Variants in PCDHGA3 observed in about 807,000 individuals in gnomAD.
PCDHGA3 encodes the protein protocadherin gamma-A3.
A neutral mutation model predicts 58.5 loss-of-function variants in PCDHGA3; 40 were observed. The observed-to-expected ratio is 0.68, with a 90% confidence interval of 0.53 to 0.89. The LOEUF (loss-of-function observed/expected upper bound fraction) is 0.89, where lower values mean the gene tolerates loss of function less well. PCDHGA3 is among the 40% of genes least tolerant of loss of function. The probability of loss-of-function intolerance (pLI) is 0.00; values close to 1 mark genes in which losing one functional copy is unlikely to be tolerated. For synonymous variants in PCDHGA3, 530 were observed against 525.7 expected (o/e 1.01, Z -0.11); for missense variants, 1,223 against 1,195.9 (o/e 1.02, Z -0.33).
chr5:141,382,871 G>T (rs764156663), intron 1 of PCDHGA3: 3 of 1,520,506 alleles, frequency 2.0e-6, no homozygotes, highest in East Asian at 2.3e-5. Flanking sequence ...TCCCGAGATC[G>T]GCGCCTAAGC....
chr5:141,387,669 TCTC>T lies in PCDHGA3; in HGVS notation c.2424+41216_2424+41218del, dbSNP rs61279892. 2,271 of 693,780 alleles carry T rather than the reference TCTC, an allele frequency of 3.3e-3. 45 individuals are homozygous for T. In the African/African-American group the frequency reaches 0.034, roughly 10 times the overall value. 43.0% of individuals were successfully genotyped at this position (693,780 alleles called of 1,614,324 possible). A position where few individuals can be genotyped will look rare whatever the true frequency, so the allele number is the denominator to read the frequency against. ...AAAGTGGAGAGCTTGGCGCTCCAGA[TCTC>T]CTCGCGCAGCCGCAGCGCGCTTTCC... On this transcript the variant is annotated intron_variant, in intron 1 of 3. Coordinates refer to ENST00000253812, the MANE Select transcript of PCDHGA3 (RefSeq NM_018916.4).
At chr5:141,361,658 G>T in intron 1 of PCDHGA3, 1 of 1,613,762 alleles carries the variant, frequency 6.2e-7, no homozygotes, top group African/African-American at 1.3e-5. Context: ...GTGTCCGTGA[G>T]CGCGCAGAGC....
At chr5:141,384,889 G>GTGGC in intron 1 of PCDHGA3, 1 of 1,613,882 alleles carries the variant, frequency 6.2e-7, no homozygotes, top group Non-Finnish European at 8.5e-7. Context: ...CACCGTGGCT[G>GTGGC]TGGCTGACAG....
rs1236074950 is a variant in PCDHGA3 at position 141,489,119 on chromosome 5, C to G, written c.2425-5688C>G. On this transcript the variant is annotated intron_variant, in intron 1 of 3. Transcript: ENST00000253812. This position sits in a 1 kb window ranked among gnomAD's most constrained non-coding sequence, Gnocchi z 4.5. ...GAACTGCTGCAAGCAGGCAAACCTC[C>G]GAGCAGTTTTTAAGAGGCTGGAAGG... The G allele has an allele frequency of 1.5e-6, 1 of 650,358 alleles. No individual in the cohort carries two copies. Among genetic ancestry groups the G allele is most frequent in the Non-Finnish European group, 2.5e-6 (1 of 400,690 alleles). The allele number at this position is 650,358 out of a possible 1,614,324, so 40.3% of individuals were successfully genotyped here. A position where few individuals can be genotyped will look rare whatever the true frequency, so the allele number is the denominator to read the frequency against.
intron 1 of PCDHGA3, among the ~76,000 whole-genome samples, chr5:141,469,088 G>A (rs1388316490): frequency 6.6e-6 from 1 of 151,604 alleles, no homozygotes; most frequent in Non-Finnish European, 1.5e-5. Context: ...ACCATTCTAG[G>A]CAACAAAGCA....
chr5:141,409,149 C>T (rs1248646625), intron 1 of PCDHGA3: 1 of 1,613,948 alleles, frequency 6.2e-7, no homozygotes, highest in Non-Finnish European at 8.5e-7. Context: ...GAAAGGTACA[C>T]CATGGAAGTG....
intron 1 of PCDHGA3, chr5:141,357,816 T>G: frequency 2.8e-6 from 2 of 715,180 alleles, no homozygotes; most frequent in African/African-American, 1.8e-5. Flanking sequence ...TTATTACTTA[T>G]CCTTTTTGGT....
chr5:141,389,182 G>T, intron 1 of PCDHGA3: 1 of 1,614,032 alleles, frequency 6.2e-7, no homozygotes, highest in Non-Finnish European at 8.5e-7. Flanking sequence ...CTCTCCTCCA[G>T]TTCCAGCATC....
At chr5:141,480,591 T>G (rs557048485) in intron 1 of PCDHGA3, among the ~76,000 whole-genome samples, 1 of 138,080 alleles carries the variant, frequency 7.2e-6, no homozygotes, top group South Asian at 2.2e-4. Flanking sequence ...GCCGCTCTTC[T>G]GGTCAGCCTG....
At position 141,346,338 on chromosome 5, in the gene PCDHGA3, A is replaced by G. The variant is rs764697085; in HGVS notation, c.2305A>G (p.Ile769Val). ...LTADSRKSHL[I>V]FPQPNYADTL... ...TGCGGACTCGCGGAAGAGCCACCTG[A>G]TTTTCCCCCAGCCCAACTATGCGGA... Residue 769 changes from isoleucine to valine, a missense_variant, in exon 1 of 4, where the codon ATT becomes GTT. By Grantham distance (29) the Ile-to-Val change is conservative (BLOSUM62 3). This residue lies in a region of PCDHGA3 where 325 missense variants were observed against 327.5 expected (regional missense o/e 0.99). Transcript: ENST00000253812. 1 of 1,613,950 alleles carries G rather than the reference A, an allele frequency of 6.2e-7. No individual in the cohort carries two copies. Among genetic ancestry groups the G allele is most frequent in the South Asian group, 1.1e-5 (1 of 91,060 alleles).
intron 1 of PCDHGA3, chr5:141,350,571 A>G (rs1488535360): frequency 6.2e-7 from 1 of 1,614,072 alleles, no homozygotes; most frequent in South Asian, 1.1e-5. Context: ...CTAGAATTCG[A>G]AACGGTCGCT....
rs1305419943 is a variant in PCDHGA3, at chr5:141,438,625, T to C, written c.2425-56182T>C. Among the ~76,000 whole-genome samples the C allele has an allele frequency of 9.7e-4, 45 of 46,410 alleles. 2 individuals are homozygous for C. Among genetic ancestry groups the C allele is most frequent in the Admixed American group, 2.2e-3 (7 of 3,192 alleles). The allele number at this position is 46,410 out of a possible 152,430, so 30.4% of individuals were successfully genotyped here. On this transcript the variant is annotated intron_variant, in intron 1 of 3. Coordinates refer to ENST00000253812, the MANE Select transcript of PCDHGA3 (RefSeq NM_018916.4). The stretch of plus-strand genomic sequence containing the variant: ...ATATATATATATATATATATATATA[T>C]ATATATATATACACACACACACACA...
chr5:141,415,577 C>T (rs776744277), intron 1 of PCDHGA3: 3 of 1,613,744 alleles, frequency 1.9e-6, no homozygotes, highest in East Asian at 4.5e-5. Context: ...TTAGATGATT[C>T]GAAGTTTCCT....
At chr5:141,404,224 AAC>A (rs1416261372) in intron 1 of PCDHGA3, 1 of 1,613,704 alleles carries the variant, frequency 6.2e-7, no homozygotes, top group Non-Finnish European at 8.5e-7. Flanking sequence ...CGGTGACTGC[AAC>A]AGACAGAGGA....
At chr5:141,427,659 G>A (rs546743297) in intron 1 of PCDHGA3, 3 of 742,336 alleles carry the variant, frequency 4.0e-6, no homozygotes, top group East Asian at 5.3e-5. Context: ...CGTGGTCCAC[G>A]TGGCCGAAAA....
chr5:141,484,940 G>C, intron 1 of PCDHGA3: 1 of 541,138 alleles, frequency 1.8e-6, no homozygotes, highest in Non-Finnish European at 3.3e-6. Flanking sequence ...GACGTTCTCT[G>C]CTCAGCCTAT....
intron 1 of PCDHGA3, chr5:141,421,647 G>A: frequency 6.2e-7 from 1 of 1,613,872 alleles, no homozygotes; most frequent in Non-Finnish European, 8.5e-7. Context: ...ACGAAGTGGA[G>A]ATAAAAGTCA....
In PCDHGA3 at chr5:141,490,925, C is replaced by T; in HGVS notation, c.2425-3882C>T. 1 of 1,613,688 alleles carries T rather than the reference C, an allele frequency of 6.2e-7. No homozygotes were observed. The highest frequency in any genetic ancestry group is 8.5e-7 in the Non-Finnish European group (1 of 1,179,700). On this transcript the variant is annotated intron_variant, in intron 1 of 3. Coordinates refer to ENST00000253812, the MANE Select transcript of PCDHGA3 (RefSeq NM_018916.4). The surrounding 1 kb of genome is among the most constrained non-coding windows in gnomAD (Gnocchi z 5.4). ...GTCCTAGACGAGAATGATAATGCCC[C>T]AGCTGTGCTGCACCCACGGCCAGAC... is the stretch of plus-strand genomic sequence containing the variant.
Position 141,420,177 on chromosome 5 carries a change from A to G in PCDHGA3, c.2424+73720A>G, listed in dbSNP as rs1188698450. The G allele has an allele frequency of 2.5e-6, 4 of 1,613,992 alleles. No homozygotes were observed. Among genetic ancestry groups the G allele is most frequent in the South Asian group, 2.2e-5 (2 of 91,086 alleles). ...TTTAATTTTTTCACATCTGTTGATC[A>G]TTGTCCAGCCACACAAGATAACCTC... On this transcript the variant is annotated intron_variant, in intron 1 of 3. Coordinates refer to ENST00000253812, the MANE Select transcript of PCDHGA3 (RefSeq NM_018916.4).
Sources: allele counts gnomAD v4.1 joint callset (sites outside exome capture counted in the v4.1 genomes callset), GRCh38; gene constraint gnomAD v4.1.1; regional missense constraint gnomAD v4.1.1; non-coding constraint Gnocchi (gnomAD v3.1); transcripts MANE v1.5; gene names NCBI Gene and HGNC (gene_info 2026-07-23, HGNC 2026-07-21).